The following MEGF6 variants were observed in gnomAD, a reference collection of about 807,000 sequenced individuals.
MEGF6 encodes multiple EGF like domains 6, also known as multiple epidermal growth factor-like domains protein 6.
Under a neutral mutation model 207.1 loss-of-function variants are expected in MEGF6, and 184 were observed. The observed-to-expected ratio is 0.89, with a 90% CI of 0.79 to 1.00. The LOEUF (loss-of-function observed/expected upper bound fraction) is 1.00, where lower values mean the gene tolerates loss of function less well. Among genes scored for constraint, MEGF6 ranks in the 50% least tolerant of loss-of-function variants. The pLI, the probability that MEGF6 is intolerant of heterozygous loss-of-function variation, is 0.00. For missense variants in MEGF6, 2,282 were observed against 2,202.9 expected (o/e 1.04, Z -0.72); for synonymous variants, 1,038 against 910.0 (o/e 1.14, Z -2.53).
intron 4 of MEGF6, among the ~76,000 whole-genome samples, chr1:3,569,225 C>T (rs1356115474): frequency 6.6e-6 from 1 of 152,242 alleles, no homozygotes; most frequent in African/African-American, 2.4e-5. Flanking sequence ...GCAGGGACAG[C>T]CTCTGGGACC....
chr1:3,580,734 GGGCAGGGCCAGGGTGGGAT>G (rs370427037), intron 3 of MEGF6, among the ~76,000 whole-genome samples: 1,548 of 152,092 alleles, frequency 0.01, 30 homozygotes, highest in African/African-American at 0.035. Context: ...CTACTTGGGA[GGGCAGGGCCAGGGTGGGAT>G]GGCAGGGCCA....
intron 32 of MEGF6, 57 bp from the exon 33 acceptor site, chr1:3,494,181 T>C (rs1640500608): frequency 7.3e-6 from 11 of 1,512,694 alleles, no homozygotes; most frequent in Admixed American, 4.3e-5. Context: ...ATGTCCAGTT[T>C]GCCCAGAGTG....
rs1333953590 is a variant in MEGF6 at position 3,573,520 on chromosome 1, C to A, written c.481+6305G>T. Among the ~76,000 whole-genome samples, 1 of 152,230 alleles carries A rather than the reference C, an allele frequency of 6.6e-6. No individual in the cohort carries two copies. The highest frequency in any genetic ancestry group is 1.5e-5 in the Non-Finnish European group (1 of 68,038). Reference sequence around the variant, plus strand: ...AAAGCTGAGATGCCTCCCCAGGAATCAGCCCAGGCTGGGGCTGCTGCAGGC... The same window carrying A: ...AAAGCTGAGATGCCTCCCCAGGAATAAGCCCAGGCTGGGGCTGCTGCAGGC... On this transcript the variant is annotated intron_variant, in intron 4 of 36. Transcript: ENST00000356575. The surrounding 1 kb of genome is among the most constrained non-coding windows in gnomAD (Gnocchi z 5.1).
chr1:3,509,045 G>T, intron 12 of MEGF6, 30 bp downstream of exon 12: 1 of 1,504,524 alleles, frequency 6.6e-7, no homozygotes, highest in Admixed American at 2.3e-5. Context: ...CCTGCGAGCA[G>T]GAGCCCCCGG....
intron 8 of MEGF6, 47 bp from the exon 9 acceptor site, chr1:3,511,734 AC>A: frequency 6.4e-7 from 1 of 1,573,862 alleles, no homozygotes. Flanking sequence ...GGCTAGGATG[AC>A]CCCCACCTAC....
At chr1:3,588,878 A>C (rs1643935101) in intron 3 of MEGF6, among the ~76,000 whole-genome samples, 1 of 151,934 alleles carries the variant, frequency 6.6e-6, no homozygotes, top group African/African-American at 2.4e-5. Flanking sequence ...TCTGCCCTGC[A>C]CGGCAGGCCC....
chr1:3,519,554 G>C lies in MEGF6; in HGVS notation c.605-4027C>G, dbSNP rs573143816. Among the ~76,000 whole-genome samples, 5 of 152,366 alleles carry C rather than the reference G, an allele frequency of 3.3e-5. No individual in the cohort carries two copies. The South Asian group carries it at 8.3e-4, about 25-fold the overall frequency. ...CCAGGGCTGCGTGAGCATCACACGG[G>C]TTCAGCTTCTCCAGAGCGTTTAGGA... On this transcript the variant is annotated intron_variant, in intron 5 of 36. Transcript: ENST00000356575.
chr1:3,498,810 C>A lies in MEGF6; in HGVS notation c.3111G>T (p.Leu1037=). The change falls in exon 25 of 37, where the codon CTG becomes CTT. Residue 1037 remains leucine (L), a synonymous_variant. Transcript: ENST00000356575. ...AGGAATGCCGACAGTTGTCGCCGTA[C>A]AGGCCGGCAGGGCAGGCTGGGGCCA... The part of the protein sequence containing the change: ...PSCLQACPAG[L]YGDNCRHSCL... 1 of 1,553,902 alleles carries A rather than the reference C, an allele frequency of 6.4e-7. No homozygotes were observed. Among genetic ancestry groups the A allele is most frequent in the East Asian group, 2.4e-5 (1 of 41,362 alleles).
rs781353809 is a variant in MEGF6 at position 3,595,349 on chromosome 1, C to T, written c.365G>A (p.Gly122Asp). ...CAGGCGGCACTCACCCGAGAGGCAGCCCTCCTCGTCGGGCTGCTGCATCCA... is the reference window on the plus strand; with the variant it reads ...CAGGCGGCACTCACCCGAGAGGCAGTCCTCCTCGTCGGGCTGCTGCATCCA... The part of the protein sequence containing the change: ...RGWMQQPDEE[G>D]CLSAECSASL... Residue 122 changes from glycine (G) to aspartate (D), a missense_variant, in exon 3 of 37, where the codon GGC becomes GAC. Transcript: ENST00000356575. The T allele has an allele frequency of 6.9e-6, 11 of 1,604,348 alleles. No individual in the cohort carries two copies. The highest frequency in any genetic ancestry group is 2.2e-5 in the East Asian group (1 of 44,766).
intron 1 of MEGF6, among the ~76,000 whole-genome samples, chr1:3,609,067 C>T (rs1237468865): frequency 7.9e-5 from 12 of 152,152 alleles, no homozygotes; most frequent in Non-Finnish European, 1.2e-4. Context: ...GCGGGGGTGC[C>T]GCTGCCCCGT....
At chr1:3,537,838 A>G (rs1642381690) in intron 4 of MEGF6, among the ~76,000 whole-genome samples, 1 of 152,206 alleles carries the variant, frequency 6.6e-6, no homozygotes, top group Admixed American at 6.5e-5. Flanking sequence ...GTGCTGGTCC[A>G]TGCACAGGTG....
chr1:3,621,698 T>G, the MEGF6 span, among the ~76,000 whole-genome samples: 1,319 of 152,278 alleles, frequency 8.7e-3, 21 homozygotes, highest in African/African-American at 0.03. Flanking sequence ...GACCCCAGAA[T>G]GGTAGATCTA....
Position 3,494,645 on chromosome 1 carries a change from C to T in MEGF6, c.3968G>A (p.Gly1323Asp). 1 of 1,564,560 alleles carries T rather than the reference C, an allele frequency of 6.4e-7. No homozygotes were observed. Among genetic ancestry groups the T allele is most frequent in the Non-Finnish European group, 8.6e-7 (1 of 1,156,150 alleles). ...CHASNGSCSC[G>D]LGWTGRHCEL... ...GCAGTGCCGCCCCGTCCAGCCCAGGCCACAGGAGCAGCTGCCGTTGCTGGC... is the reference window on the plus strand; with the variant it reads ...GCAGTGCCGCCCCGTCCAGCCCAGGTCACAGGAGCAGCTGCCGTTGCTGGC... Residue 1323 changes from glycine (G) to aspartate (D), a missense_variant, in exon 31 of 37, where the codon GGC (glycine) becomes GAC (aspartate). Gly to Asp is a moderately conservative substitution (Grantham distance 94, BLOSUM62 -1). Transcript: ENST00000356575.
At chr1:3,511,804 A>T (rs1570007324) in intron 8 of MEGF6, 117 bp from the exon 9 acceptor site, 2 of 1,486,980 alleles carry the variant, frequency 1.3e-6, no homozygotes, top group Middle Eastern at 1.8e-4. Context: ...ACCCGTGGGA[A>T]GCAGCAACAT....
upstream of MEGF6, among the ~76,000 whole-genome samples, chr1:3,611,853 C>G (rs1022587470): frequency 6.6e-6 from 1 of 151,884 alleles, no homozygotes; most frequent in Admixed American, 6.5e-5. Flanking sequence ...AAGTCCTAAC[C>G]GACTCCAGTG....
At position 3,498,784 on chromosome 1, in the gene MEGF6, C is replaced by T; in HGVS notation, c.3137G>A (p.Cys1046Tyr). 1 of 1,556,574 alleles carries T rather than the reference C, an allele frequency of 6.4e-7. No homozygotes were observed. The highest frequency in any genetic ancestry group is 2.4e-5 in the East Asian group (1 of 41,594). The change falls in exon 25 of 37, where the codon TGC becomes TAC. Residue 1046 changes from cysteine to tyrosine, a missense_variant. Coordinates refer to ENST00000356575, the MANE Select transcript of MEGF6 (RefSeq NM_001409.4). ...GLYGDNCRHS[C>Y]LCQNGGTCDP... The stretch of plus-strand genomic sequence containing the variant: ...ACAGGTCCCTCCGTTCTGGCAGAGG[C>T]AGGAATGCCGACAGTTGTCGCCGTA...
chr1:3,568,290 G>A (rs769613267), intron 4 of MEGF6, among the ~76,000 whole-genome samples: 18 of 150,412 alleles, frequency 1.2e-4, no homozygotes, highest in Admixed American at 2.0e-4. Context: ...CCCAGTGTGT[G>A]CTTGGGTAAA....
chr1:3,532,548 G>A (rs952040350), intron 4 of MEGF6, among the ~76,000 whole-genome samples: 11 of 152,218 alleles, frequency 7.2e-5, no homozygotes, highest in African/African-American at 1.7e-4. Flanking sequence ...AGGAAGGCCC[G>A]AAAATCTCCC....
chr1:3,512,721 C>T (rs1641397631), intron 7 of MEGF6, among the ~76,000 whole-genome samples: 2 of 152,240 alleles, frequency 1.3e-5, no homozygotes, highest in African/African-American at 4.8e-5. Context: ...GTGAGGCCGC[C>T]CCAAGCCATG....
Sources: allele counts gnomAD v4.1 joint callset (sites outside exome capture counted in the v4.1 genomes callset), GRCh38; gene constraint gnomAD v4.1.1; non-coding constraint Gnocchi (gnomAD v3.1); transcripts MANE v1.5; gene names NCBI Gene and HGNC (gene_info 2026-07-23, HGNC 2026-07-21).